The following URGCP variants were observed in gnomAD, a reference collection of about 807,000 sequenced individuals.
URGCP encodes the protein upregulator of cell proliferation.
Under a neutral mutation model 24.6 loss-of-function variants are expected in URGCP, and 13 were observed. That is an observed-to-expected ratio of 0.53 (90% confidence interval 0.34 to 0.84). The LOEUF is 0.84. Among genes scored for constraint, URGCP ranks in the 40% least tolerant of loss-of-function variants. URGCP has a pLI of 0.01. For synonymous variants in URGCP, 444 were observed against 487.2 expected (o/e 0.91, Z 1.17); for missense variants, 899 against 1,194.3 (o/e 0.75, Z 3.64).
At chr7:43,887,294 C>G in intron 3 of URGCP, 121 bp downstream of exon 3, 3 of 1,165,920 alleles carry the variant, frequency 2.6e-6, no homozygotes, top group Middle Eastern at 2.0e-4. Flanking sequence ...AAGCCTTAAA[C>G]TTATTTATTT....
chr7:43,916,707 A>ACCCCCCCCCC (rs1204214927), intron 1 of URGCP, among the ~76,000 whole-genome samples: 1 of 24,636 alleles, frequency 4.1e-5, no homozygotes, highest in Non-Finnish European at 8.4e-5. Context: ...CCCACTCCCT[A>ACCCCCCCCCC]CCCACCCCCC....
Position 43,877,634 on chromosome 7 carries a change from G to C in URGCP, c.1829C>G (p.Pro610Arg). The change falls in exon 6 of 6, where the codon CCC becomes CGC. Residue 610 changes from proline (P) to arginine (R), a missense_variant. Physicochemically the swap from Pro to Arg is moderately radical, Grantham distance 103 (BLOSUM62 -2). Coordinates refer to ENST00000453200, the MANE Select transcript of URGCP (RefSeq NM_001077663.3). ...CCGCAAGAAGTGTTCCACCCCTAGG[G>C]GCTCAGGCCAGAGCGGCTCCCCCAC... ...TDVGEPLWPE[P>R]LGVEHFLREM... is the part of the protein sequence containing the mutation. The C allele has an allele frequency of 6.2e-7, 1 of 1,614,140 alleles. No individual in the cohort carries two copies. Among genetic ancestry groups the C allele is most frequent in the South Asian group, 1.1e-5 (1 of 91,084 alleles).
intron 1 of URGCP, among the ~76,000 whole-genome samples, chr7:43,924,834 C>T (rs2095926908): frequency 6.6e-6 from 1 of 152,054 alleles, no homozygotes; most frequent in African/African-American, 2.4e-5. Context: ...TGCAGTGGTG[C>T]CATCACAACT....
At chr7:43,889,972 T>C (rs1464111993) in intron 1 of URGCP, among the ~76,000 whole-genome samples, 1 of 152,054 alleles carries the variant, frequency 6.6e-6, no homozygotes, top group African/African-American at 2.4e-5. Flanking sequence ...TGGTGTGATC[T>C]TGGCTCACTG....
rs764387298 is a variant in URGCP, at chr7:43,878,875, ACTGT to A, written c.584_587del (p.Asp195ValfsTer7). The A allele has an allele frequency of 1.2e-6, 2 of 1,614,224 alleles. No individual in the cohort carries two copies. The highest frequency in any genetic ancestry group is 1.1e-5 in the South Asian group (1 of 91,086). Reference sequence around the variant, plus strand: ...TCAACGCTATTTCTTGTTGCAGGAAACTGTCTGAGGAGAGCAGCAGGGCACAGAG... The same window carrying A: ...TCAACGCTATTTCTTGTTGCAGGAAACTGAGGAGAGCAGCAGGGCACAGAG... On this transcript the variant is annotated frameshift_variant, in exon 6 of 6. Coordinates refer to ENST00000453200, the MANE Select transcript of URGCP (RefSeq NM_001077663.3). LOFTEE classifies it low-confidence loss of function (END_TRUNC). This position sits in a 1 kb window ranked among gnomAD's most constrained non-coding sequence, Gnocchi z 5.6.
At chr7:43,885,802 C>T (rs2095861297) in intron 3 of URGCP, among the ~76,000 whole-genome samples, 1 of 152,254 alleles carries the variant, frequency 6.6e-6, no homozygotes, top group African/African-American at 2.4e-5. Context: ...CTGCAATGTC[C>T]AAGCTGCAGC....
At chr7:43,924,650 T>C (rs1190516227) in intron 1 of URGCP, among the ~76,000 whole-genome samples, 3 of 152,218 alleles carry the variant, frequency 2.0e-5, no homozygotes, top group African/African-American at 7.2e-5. Flanking sequence ...CAATGGGTGA[T>C]GCTTGAGCTG....
chr7:43,912,224 G>A (rs1403798869), intron 1 of URGCP, among the ~76,000 whole-genome samples: 7 of 152,204 alleles, frequency 4.6e-5, no homozygotes, highest in South Asian at 2.1e-4. Context: ...TGGGCCGGGC[G>A]TGGTTGCTCA....
rs1281395529 is a variant in URGCP at position 43,883,354 on chromosome 7, A to AT, written c.113-1398dup. The stretch of plus-strand genomic sequence containing the variant: ...TATATATACATATATATATATATAT[A>AT]TATATATATTTTTTTTTTTTTTTTG... On this transcript the variant is annotated intron_variant, in intron 3 of 5. Coordinates refer to ENST00000453200, the MANE Select transcript of URGCP (RefSeq NM_001077663.3). 1.1e-3 allele frequency among the ~76,000 whole-genome samples: 103 copies of AT among 97,624 alleles called. 1 individual carries two copies. The highest frequency in any genetic ancestry group is 6.1e-3 in the African/African-American group (97 of 16,014). 64.0% of individuals were successfully genotyped at this position (97,624 alleles called of 152,430 possible).
chr7:43,906,506 C>T, intron 1 of URGCP, 56 bp downstream of exon 1: 6 of 1,179,450 alleles, frequency 5.1e-6, no homozygotes, highest in Non-Finnish European at 6.3e-6. Context: ...CTCCGGGTCC[C>T]GCTCCCGTTC....
rs575606143 is a variant in URGCP at position 43,876,625 on chromosome 7, C to T, written c.*42G>A. On this transcript the variant is annotated 3_prime_UTR_variant, in exon 6 of 6. Transcript: ENST00000453200. ...CGGGTGCCCCATCAGACAGGGCTGC[C>T]CACAGCAGCCTCCTACACCTGAACT... is the stretch of plus-strand genomic sequence containing the variant. 1.3e-6 allele frequency: 2 copies of T among 1,583,468 alleles called. No homozygotes were observed. Among genetic ancestry groups the T allele is most frequent in the South Asian group, 2.3e-5 (2 of 85,894 alleles).
At chr7:43,919,662 A>T (rs2095919871) in intron 1 of URGCP, 1 of 1,372,812 alleles carries the variant, frequency 7.3e-7, no homozygotes, top group Admixed American at 1.7e-5. Flanking sequence ...CACCATCCTC[A>T]ACACCATCCA....
intron 1 of URGCP, among the ~76,000 whole-genome samples, chr7:43,897,882 C>G (rs1365122796): frequency 6.6e-6 from 1 of 152,190 alleles, no homozygotes; most frequent in Admixed American, 6.6e-5. Flanking sequence ...TCTACAGACA[C>G]AAGCCAAAAT....
At chr7:43,919,022 C>T in intron 1 of URGCP, 1 of 1,149,410 alleles carries the variant, frequency 8.7e-7, no homozygotes, top group Non-Finnish European at 1.3e-6. Context: ...GCAGATTCTC[C>T]CAGAGGGAGA....
chr7:43,889,966 G>A (rs1378928724), intron 1 of URGCP, among the ~76,000 whole-genome samples: 2 of 150,928 alleles, frequency 1.3e-5, no homozygotes, highest in Non-Finnish European at 2.9e-5. Flanking sequence ...GTGCAGTGGT[G>A]TGATCTTGGC....
intron 1 of URGCP, among the ~76,000 whole-genome samples, chr7:43,903,145 GAGAA>G (rs1259491960): frequency 0.015 from 2,247 of 150,124 alleles, 60 homozygotes; most frequent in African/African-American, 0.052. Context: ...AAGAGAGAGA[GAGAA>G]AGAGAAAGAG....
In URGCP at chr7:43,878,161, G is replaced by A. The variant is rs567476529; in HGVS notation, c.1302C>T (p.Ile434=). 1.5e-4 allele frequency: 238 copies of A among 1,614,118 alleles called. No individual in the cohort carries two copies. The highest frequency in any genetic ancestry group is 1.1e-4 in the Non-Finnish European group (129 of 1,180,058). The change falls in exon 6 of 6, where the codon ATC becomes ATT. Residue 434 remains isoleucine (I), a synonymous_variant. Transcript: ENST00000453200. The surrounding 1 kb of genome is among the most constrained non-coding windows in gnomAD (Gnocchi z 5.6). ...AGGGTGCCCGCAGCACATTCCCAAC[G>A]ATGGCCCGGATCCTCTTCACGAAGC... is the stretch of plus-strand genomic sequence containing the variant. ...SDSFVKRIRA[I]VGNVLRAPCR...
intron 3 of URGCP, among the ~76,000 whole-genome samples, chr7:43,884,442 A>G (rs1186911771): frequency 6.6e-6 from 1 of 152,216 alleles, no homozygotes; most frequent in Non-Finnish European, 1.5e-5. Context: ...CACGGAACAC[A>G]GGGACAGAGG....
intron 1 of URGCP, among the ~76,000 whole-genome samples, chr7:43,904,137 T>C (rs1230746740): frequency 6.6e-6 from 1 of 152,126 alleles, no homozygotes; most frequent in Non-Finnish European, 1.5e-5. Context: ...CTTCAGCGAG[T>C]GGTGGGCAGT....
Sources: allele counts gnomAD v4.1 joint callset (sites outside exome capture counted in the v4.1 genomes callset), GRCh38; gene constraint gnomAD v4.1.1; non-coding constraint Gnocchi (gnomAD v3.1); transcripts MANE v1.5; gene names NCBI Gene and HGNC (gene_info 2026-07-23, HGNC 2026-07-21).